The following CYP39A1 variants were observed in gnomAD, a reference collection of about 807,000 sequenced individuals.
CYP39A1 encodes cytochrome P450 family 39 subfamily A member 1, also known as 24-hydroxycholesterol 7-alpha-hydroxylase.
Under a neutral mutation model 58.1 loss-of-function variants are expected in CYP39A1, and 49 were observed. The observed-to-expected ratio is 0.84, with a 90% CI of 0.67 to 1.07. CYP39A1 has a LOEUF of 1.07. Ranked by LOEUF, CYP39A1 falls within the 50% of genes least tolerant of loss-of-function variation. The pLI, the probability that CYP39A1 is intolerant of heterozygous loss-of-function variation, is 0.00. For missense variants in CYP39A1, 531 were observed against 539.4 expected (o/e 0.98, Z 0.16); for synonymous variants, 209 against 187.6 (o/e 1.11, Z -0.93).
At chr6:46,634,954 T>G (rs1373921654) in intron 5 of CYP39A1, among the ~76,000 whole-genome samples, 1 of 152,224 alleles carries the variant, frequency 6.6e-6, no homozygotes, top group Non-Finnish European at 1.5e-5. Context: ...AAAGAACATG[T>G]GTGTTTGTCT....
At chr6:46,634,697 T>C (rs1054390975) in intron 5 of CYP39A1, among the ~76,000 whole-genome samples, 1 of 151,990 alleles carries the variant, frequency 6.6e-6, no homozygotes, top group Non-Finnish European at 1.5e-5. Flanking sequence ...AATTTTTGTA[T>C]TTTTAGTAGA....
intron 10 of CYP39A1, among the ~76,000 whole-genome samples, chr6:46,581,527 C>T (rs1772134215): frequency 6.6e-6 from 1 of 152,016 alleles, no homozygotes; most frequent in East Asian, 1.9e-4. Context: ...AACATGGATA[C>T]AGCTGAAGAT....
At chr6:46,649,968 A>ACGCC (rs1361248678) in intron 1 of CYP39A1, among the ~76,000 whole-genome samples, 2 of 152,140 alleles carry the variant, frequency 1.3e-5, no homozygotes, top group African/African-American at 4.8e-5. Flanking sequence ...AAGGTTCAAT[A>ACGCC]CGCCATAAGT....
At chr6:46,592,891 G>A (rs1772927172) in intron 8 of CYP39A1, among the ~76,000 whole-genome samples, 1 of 152,120 alleles carries the variant, frequency 6.6e-6, no homozygotes, top group African/African-American at 2.4e-5. Context: ...GGGAGGTGGT[G>A]GTTGCAGTGA....
At chr6:46,573,894 A>C (rs2150496677) in intron 10 of CYP39A1, among the ~76,000 whole-genome samples, 1 of 152,340 alleles carries the variant, frequency 6.6e-6, no homozygotes, top group South Asian at 2.1e-4. Context: ...AAGTGCTAAT[A>C]CAAGATTTCA....
intron 8 of CYP39A1, among the ~76,000 whole-genome samples, chr6:46,590,719 T>C (rs143223741): frequency 1.6e-3 from 246 of 152,318 alleles, no homozygotes; most frequent in African/African-American, 5.6e-3. Flanking sequence ...CTTTCCAGTA[T>C]GTTTACTTAG....
At chr6:46,642,132 T>G in intron 2 of CYP39A1, 31 bp downstream of exon 2, 1 of 1,610,396 alleles carries the variant, frequency 6.2e-7, no homozygotes, top group Non-Finnish European at 8.5e-7. Flanking sequence ...AATGTTGGAT[T>G]TCGAATGGAC....
At chr6:46,591,158 A>C (rs895434733) in intron 8 of CYP39A1, among the ~76,000 whole-genome samples, 1 of 152,134 alleles carries the variant, frequency 6.6e-6, no homozygotes, top group Non-Finnish European at 1.5e-5. Context: ...CTGTAATCTA[A>C]CATTTCTAAT....
intron 6 of CYP39A1, among the ~76,000 whole-genome samples, chr6:46,629,518 A>G (rs1189537569): frequency 6.6e-6 from 1 of 152,186 alleles, no homozygotes; most frequent in Non-Finnish European, 1.5e-5. Context: ...GATGAAATGT[A>G]TATTCCACTG....
At chr6:46,638,872 C>G (rs1179891085) in intron 3 of CYP39A1, among the ~76,000 whole-genome samples, 1 of 152,162 alleles carries the variant, frequency 6.6e-6, no homozygotes, top group Non-Finnish European at 1.5e-5. Context: ...GGGAAATTTT[C>G]TCATGTCTCC....
chr6:46,550,289 GCT>G lies in CYP39A1; in HGVS notation c.*75_*76del. On this transcript the variant is annotated 3_prime_UTR_variant, in exon 12 of 12. Coordinates refer to ENST00000275016, the MANE Select transcript of CYP39A1 (RefSeq NM_016593.5). ...AAGTGAAGCAGTGTGTTTTTGTAGA[GCT>G]CAGGTCTAGGTGCTGCCAGGTGGGG... 1 of 1,161,070 alleles carries G rather than the reference GCT, an allele frequency of 8.6e-7. No individual in the cohort carries two copies. The highest frequency in any genetic ancestry group is 1.3e-6 in the Non-Finnish European group (1 of 794,982). The allele number at this position is 1,161,070 out of a possible 1,614,324, so 71.9% of individuals were successfully genotyped here.
At chr6:46,622,000 C>T (rs537330630) in intron 7 of CYP39A1, among the ~76,000 whole-genome samples, 26 of 152,190 alleles carry the variant, frequency 1.7e-4, no homozygotes, top group Non-Finnish European at 3.1e-4. Context: ...ATGGATGCTT[C>T]AAGACCTGAA....
chr6:46,627,922 C>G (rs970939791), intron 6 of CYP39A1, among the ~76,000 whole-genome samples: 5 of 152,058 alleles, frequency 3.3e-5, no homozygotes. Context: ...CCCAACAGTA[C>G]CAATTAGTAT....
Position 46,580,763 on chromosome 6 carries a change from AATC to A in CYP39A1, c.1250+6311_1250+6313del, listed in dbSNP as rs1772090524. On this transcript the variant is annotated intron_variant, in intron 10 of 11. Transcript: ENST00000275016. ...ATATAAAAAACTGTTCAACATTACC[AATC>A]GTTAGAGAAATGCAAATGAAAACCA... Among the ~76,000 whole-genome samples the A allele has an allele frequency of 3.3e-5, 5 of 152,316 alleles. No individual in the cohort carries two copies. The East Asian group carries it at 9.6e-4, about 29-fold the overall frequency.
chr6:46,614,097 G>A (rs1046990665), intron 7 of CYP39A1, among the ~76,000 whole-genome samples: 15 of 152,144 alleles, frequency 9.9e-5, no homozygotes, highest in African/African-American at 3.6e-4. Flanking sequence ...AATGGAATCT[G>A]TGATACTAAA....
At chr6:46,552,665 T>C (rs1041821334) in intron 11 of CYP39A1, among the ~76,000 whole-genome samples, 1 of 152,156 alleles carries the variant, frequency 6.6e-6, no homozygotes, top group African/African-American at 2.4e-5. Context: ...TACCCAAAGT[T>C]TTCACATGAT....
At chr6:46,602,199 G>C (rs945734605) in intron 7 of CYP39A1, among the ~76,000 whole-genome samples, 7 of 152,168 alleles carry the variant, frequency 4.6e-5, no homozygotes, top group African/African-American at 1.7e-4. Context: ...ATGGTGGAAG[G>C]TGAGGTTAAT....
chr6:46,596,199 T>C, intron 7 of CYP39A1, 79 bp from the exon 8 acceptor site: 2 of 1,099,472 alleles, frequency 1.8e-6, no homozygotes, highest in Non-Finnish European at 2.6e-6. Flanking sequence ...TCAGCAGAGG[T>C]TAGATGTTGC....
At position 46,642,057 on chromosome 6, in the gene CYP39A1, G is replaced by C. The variant is rs1582463736; in HGVS notation, c.313+106C>G. 5.1e-6 allele frequency: 6 copies of C among 1,181,546 alleles called. No individual in the cohort carries two copies. In the East Asian group the frequency reaches 1.4e-4, roughly 28 times the overall value. 73.2% of individuals were successfully genotyped at this position (1,181,546 alleles called of 1,614,324 possible). ...CCCATACCTCAAGAATAAAATAATGGACCCTCATCATTCTTGATAGAGGAA... is the reference window on the plus strand; with the variant it reads ...CCCATACCTCAAGAATAAAATAATGCACCCTCATCATTCTTGATAGAGGAA... On this transcript the variant is annotated intron_variant, in intron 2 of 11. Transcript: ENST00000275016.
Sources: allele counts gnomAD v4.1 joint callset (sites outside exome capture counted in the v4.1 genomes callset), GRCh38; gene constraint gnomAD v4.1.1; transcripts MANE v1.5; gene names NCBI Gene and HGNC (gene_info 2026-07-23, HGNC 2026-07-21).